SEC24D: variants seen among roughly 807,000 people sequenced by gnomAD.
SEC24D encodes the protein protein transport protein Sec24D.
In SEC24D, 69 loss-of-function variants were observed where a neutral mutation model predicts 116.9. That is an observed-to-expected ratio of 0.59 (90% confidence interval 0.49 to 0.72). SEC24D has a LOEUF of 0.72. Ranked by LOEUF, SEC24D falls within the 30% of genes least tolerant of loss-of-function variation. The probability of loss-of-function intolerance (pLI) is 0.00; values close to 1 mark genes in which losing one functional copy is unlikely to be tolerated. For missense variants in SEC24D, 1,131 were observed against 1,264.1 expected (o/e 0.89, Z 1.60); for synonymous variants, 405 against 442.8 (o/e 0.91, Z 1.07).
intron 8 of SEC24D, among the ~76,000 whole-genome samples, chr4:118,784,314 GTT>G (rs1404357159): frequency 1.3e-5 from 2 of 152,136 alleles, no homozygotes; most frequent in Non-Finnish European, 2.9e-5. Context: ...AAGATGACTT[GTT>G]ATCAAAATAA....
chr4:118,822,010 T>C (rs1457272612), intron 3 of SEC24D, among the ~76,000 whole-genome samples: 1 of 152,210 alleles, frequency 6.6e-6, no homozygotes, highest in Non-Finnish European at 1.5e-5. Flanking sequence ...AAAAGCAGAT[T>C]CTTTAAGCTA....
intron 8 of SEC24D, among the ~76,000 whole-genome samples, chr4:118,780,604 A>G (rs1033661028): frequency 6.6e-6 from 1 of 152,168 alleles, no homozygotes; most frequent in Non-Finnish European, 1.5e-5. Flanking sequence ...GGTTCTGTAG[A>G]TGTCTATCAG....
intron 1 of SEC24D, among the ~76,000 whole-genome samples, chr4:118,835,126 C>T (rs114678295): frequency 0.044 from 6,651 of 152,226 alleles, 199 homozygotes; most frequent in Non-Finnish European, 0.064. Flanking sequence ...AGCCTGAGCG[C>T]TGGTCAAGCT....
intron 10 of SEC24D, among the ~76,000 whole-genome samples, chr4:118,763,132 C>T (rs1384907449): frequency 6.6e-6 from 1 of 152,210 alleles, no homozygotes; most frequent in Non-Finnish European, 1.5e-5. Context: ...AACAACTAAA[C>T]TGTCCAAAAG....
At chr4:118,805,690 T>A (rs1477143271) in intron 7 of SEC24D, among the ~76,000 whole-genome samples, 153 bp downstream of exon 7, 4 of 152,254 alleles carry the variant, frequency 2.6e-5, no homozygotes, top group Admixed American at 2.6e-4. Flanking sequence ...GATAGCATCC[T>A]CTTGGTACTT....
At chr4:118,751,426 C>A (rs1407794624) in intron 13 of SEC24D, among the ~76,000 whole-genome samples, 1 of 152,154 alleles carries the variant, frequency 6.6e-6, no homozygotes, top group East Asian at 1.9e-4. Flanking sequence ...GGTCTGCCTG[C>A]CTCAGCCTCC....
At chr4:118,724,583 A>G (rs1283347186) in intron 22 of SEC24D, among the ~76,000 whole-genome samples, 1 of 152,198 alleles carries the variant, frequency 6.6e-6, no homozygotes, top group African/African-American at 2.4e-5. Context: ...TTTTCTTTTT[A>G]AATGCAGTCA....
chr4:118,799,718 C>T (rs941843835), intron 7 of SEC24D, among the ~76,000 whole-genome samples: 13 of 152,012 alleles, frequency 8.6e-5, no homozygotes, highest in African/African-American at 2.2e-4. Flanking sequence ...CGCGGAGGCA[C>T]GATCATCTGT....
intron 7 of SEC24D, among the ~76,000 whole-genome samples, chr4:118,803,206 G>A (rs1448233814): frequency 6.6e-6 from 1 of 152,142 alleles, no homozygotes; most frequent in African/African-American, 2.4e-5. Context: ...CATTGTGAAT[G>A]TAATTAAGGC....
chr4:118,795,559 T>C (rs1383533672), intron 8 of SEC24D, among the ~76,000 whole-genome samples: 3 of 152,092 alleles, frequency 2.0e-5, no homozygotes, highest in Non-Finnish European at 4.4e-5. Flanking sequence ...ATACAATGAA[T>C]TGCACTATTC....
intron 6 of SEC24D, among the ~76,000 whole-genome samples, chr4:118,813,709 A>G (rs530958099): frequency 6.6e-6 from 1 of 152,340 alleles, no homozygotes; most frequent in African/African-American, 2.4e-5. Context: ...GGAGAAGACA[A>G]ATGTTCAAAC....
Sources: allele counts gnomAD v4.1 joint callset (sites outside exome capture counted in the v4.1 genomes callset), GRCh38; gene constraint gnomAD v4.1.1; transcripts MANE v1.5; gene names NCBI Gene and HGNC (gene_info 2026-07-23, HGNC 2026-07-21).